ADCY1: variants seen among roughly 807,000 people sequenced by gnomAD.
The protein encoded by ADCY1 is adenylate cyclase type 1.
In ADCY1, 28 loss-of-function variants were observed where a neutral mutation model predicts 105.4. The observed-to-expected ratio is 0.27, with a 90% CI of 0.20 to 0.36. ADCY1 has a LOEUF of 0.36. ADCY1 is among the 10% of genes least tolerant of loss of function. The pLI is 1.00. For missense variants in ADCY1, 977 were observed against 1,434.2 expected (o/e 0.68, Z 5.15); for synonymous variants, 655 against 623.8 (o/e 1.05, Z -0.75).
At chr7:45,644,374 C>T (rs933732936) in intron 4 of ADCY1, among the ~76,000 whole-genome samples, 2 of 152,190 alleles carry the variant, frequency 1.3e-5, no homozygotes, top group East Asian at 1.9e-4. Context: ...TCAGAGTGCA[C>T]TGGCCTATGT....
At chr7:45,601,081 C>T (rs1793218829) in intron 2 of ADCY1, among the ~76,000 whole-genome samples, 1 of 152,118 alleles carries the variant, frequency 6.6e-6, no homozygotes, top group African/African-American at 2.4e-5. Context: ...TAAGGAGATG[C>T]TGCGTGTGAG....
chr7:45,698,164 T>C (rs1784923193), intron 14 of ADCY1, among the ~76,000 whole-genome samples: 2 of 147,702 alleles, frequency 1.4e-5, no homozygotes, highest in South Asian at 2.2e-4. Flanking sequence ...CATACTCTCT[T>C]ACACACACAC....
At chr7:45,612,347 G>T (rs1793615221) in intron 3 of ADCY1, among the ~76,000 whole-genome samples, 1 of 152,182 alleles carries the variant, frequency 6.6e-6, no homozygotes. Flanking sequence ...GGAAATTTAG[G>T]TTCAACAAAG....
At chr7:45,680,806 A>G (rs1200681449) in intron 11 of ADCY1, among the ~76,000 whole-genome samples, 1 of 152,258 alleles carries the variant, frequency 6.6e-6, no homozygotes, top group Admixed American at 6.5e-5. Context: ...CTTAGTCCTC[A>G]GTGGTGGGAA....
intron 4 of ADCY1, among the ~76,000 whole-genome samples, chr7:45,640,490 T>C (rs921278074): frequency 6.6e-6 from 1 of 152,252 alleles, no homozygotes; most frequent in African/African-American, 2.4e-5. Context: ...AAAGATTTTC[T>C]GATTTTTAAT....
At chr7:45,590,953 G>A (rs1792898342) in intron 1 of ADCY1, among the ~76,000 whole-genome samples, 1 of 152,138 alleles carries the variant, frequency 6.6e-6, no homozygotes, top group African/African-American at 2.4e-5. Flanking sequence ...GCTGTGCTGG[G>A]CGAGGGTCAG....
At chr7:45,699,172 G>T (rs776853638) in intron 14 of ADCY1, among the ~76,000 whole-genome samples, 2 of 152,180 alleles carry the variant, frequency 1.3e-5, no homozygotes, top group African/African-American at 2.4e-5. Flanking sequence ...CTTCAAACCA[G>T]TCACCAGTAA....
chr7:45,595,384 C>T (rs182889068), intron 2 of ADCY1, among the ~76,000 whole-genome samples: 4 of 152,326 alleles, frequency 2.6e-5, no homozygotes, highest in African/African-American at 9.6e-5. Flanking sequence ...TTCTCCCTCT[C>T]CTTCTGCCTA....
At chr7:45,691,258 C>A (rs887427294) in intron 14 of ADCY1, among the ~76,000 whole-genome samples, 3 of 152,228 alleles carry the variant, frequency 2.0e-5, no homozygotes, top group Admixed American at 6.5e-5. Flanking sequence ...GCAGCCCGGG[C>A]AAGTCTGCGG....
At chr7:45,635,099 C>A (rs1794362675) in intron 4 of ADCY1, among the ~76,000 whole-genome samples, 1 of 149,540 alleles carries the variant, frequency 6.7e-6, no homozygotes, top group Non-Finnish European at 1.5e-5. Flanking sequence ...AAGTTTTTAA[C>A]TACAAATTTA....
chr7:45,610,686 G>A (rs1257646497), intron 3 of ADCY1, among the ~76,000 whole-genome samples, 189 bp downstream of exon 3: 5 of 151,344 alleles, frequency 3.3e-5, no homozygotes, highest in African/African-American at 4.9e-5. Flanking sequence ...AGGTGGAGGC[G>A]AGGAGGTGAT....
rs546281828 is a variant in ADCY1, at chr7:45,658,391, G to A, written c.1307+506G>A. Among the ~76,000 whole-genome samples, 169 of 152,296 alleles carry A rather than the reference G, an allele frequency of 1.1e-3. 1 individual carries two copies. The highest frequency in any genetic ancestry group is 4.0e-3 in the African/African-American group (166 of 41,566). ...TGAGAAGTGCCATGGGCTGTTGATGGCTGTGCACCGTGGCAGGCTCAGCCT... is the reference window on the plus strand; with the variant it reads ...TGAGAAGTGCCATGGGCTGTTGATGACTGTGCACCGTGGCAGGCTCAGCCT... On this transcript the variant is annotated intron_variant, in intron 6 of 19. Transcript: ENST00000297323.
At chr7:45,713,032 C>T (rs1269852605) in intron 19 of ADCY1, among the ~76,000 whole-genome samples, 2 of 152,174 alleles carry the variant, frequency 1.3e-5, no homozygotes, top group East Asian at 1.9e-4. Flanking sequence ...TTTGCACCCC[C>T]ACCGACACCA....
chr7:45,580,324 C>G (rs932834583), intron 1 of ADCY1, among the ~76,000 whole-genome samples: 1 of 152,098 alleles, frequency 6.6e-6, no homozygotes, highest in South Asian at 2.1e-4. Flanking sequence ...GCTGAGGGGC[C>G]GGGGGGCAGC....
intron 11 of ADCY1, 30 bp downstream of exon 11, chr7:45,679,823 C>A (rs1162314624): frequency 6.2e-7 from 1 of 1,608,860 alleles, no homozygotes; most frequent in South Asian, 1.1e-5. Context: ...CCTGTACCTG[C>A]ATATCACCTG....
chr7:45,712,771 G>A (rs578074160), intron 19 of ADCY1, among the ~76,000 whole-genome samples: 7 of 152,256 alleles, frequency 4.6e-5, no homozygotes, highest in Admixed American at 2.0e-4. Context: ...CCAACATAAC[G>A]CAGAGATACC....
At chr7:45,582,874 C>T (rs930081178) in intron 1 of ADCY1, among the ~76,000 whole-genome samples, 3 of 152,168 alleles carry the variant, frequency 2.0e-5, no homozygotes, top group Non-Finnish European at 4.4e-5. Context: ...GAATAGGAGC[C>T]CACCGCAGCA....
At chr7:45,604,574 A>G (rs1716452980) in intron 2 of ADCY1, among the ~76,000 whole-genome samples, 1 of 152,178 alleles carries the variant, frequency 6.6e-6, no homozygotes, top group African/African-American at 2.4e-5. Flanking sequence ...ATTTGTTGAA[A>G]AGACTACCCT....
At position 45,721,685 on chromosome 7, in the gene ADCY1, T is replaced by A. The variant is rs1325904935; in HGVS notation, c.*7690T>A. 1 of 398,460 alleles carries A rather than the reference T, an allele frequency of 2.5e-6. No individual in the cohort carries two copies. Among genetic ancestry groups the A allele is most frequent in the Non-Finnish European group, 4.4e-6 (1 of 226,126 alleles). 24.7% of individuals were successfully genotyped at this position (398,460 alleles called of 1,614,324 possible). ...CTGGTGAGGTAAAGGTGGGTCCGGG[T>A]GCCTTCCCAGGGGTTAGAGGATGTT... On this transcript the variant is annotated 3_prime_UTR_variant, in exon 20 of 20. Transcript: ENST00000297323.
Sources: gnomAD v4.1 joint callset for allele counts (sites outside exome capture counted in the v4.1 genomes callset) on GRCh38, gnomAD v4.1.1 for gene constraint, MANE v1.5 for transcripts, NCBI Gene and HGNC (gene_info 2026-07-23, HGNC 2026-07-21) for gene names.